Variants in DOK6 observed in about 807,000 individuals in gnomAD.
The protein encoded by DOK6 is docking protein 6, also known as downstream of tyrosine kinase 6.
A neutral mutation model predicts 44.0 loss-of-function variants in DOK6; 22 were observed. The ratio of observed to expected loss-of-function variants is 0.50; its 90% CI spans 0.36 to 0.71. DOK6 has a LOEUF of 0.71. Among genes scored for constraint, DOK6 ranks in the 30% least tolerant of loss-of-function variants. The probability of loss-of-function intolerance (pLI) is 0.00; values close to 1 mark genes in which losing one functional copy is unlikely to be tolerated. For missense variants in DOK6, 340 were observed against 416.4 expected, an observed-to-expected ratio of 0.82 and a Z score of 1.60; for synonymous variants, 166 against 145.5, an observed-to-expected ratio of 1.14 and a Z score of -1.01.
At chr18:69,549,990 A>G (rs1317697674) in intron 1 of DOK6, among the ~76,000 whole-genome samples, 1 of 150,902 alleles carries the variant, frequency 6.6e-6, no homozygotes, top group South Asian at 2.1e-4. Context: ...TATACTTCCT[A>G]CATGCCAAGA....
chr18:69,446,414 C>A (rs1263840157), intron 1 of DOK6, among the ~76,000 whole-genome samples: 1 of 151,936 alleles, frequency 6.6e-6, no homozygotes, highest in East Asian at 1.9e-4. Flanking sequence ...GCATAGTATT[C>A]CATGGTGTAT....
chr18:69,537,941 T>C (rs1332327643), intron 1 of DOK6, among the ~76,000 whole-genome samples: 1 of 152,198 alleles, frequency 6.6e-6, no homozygotes, highest in Non-Finnish European at 1.5e-5. Context: ...AGTATTGCTG[T>C]TCTTTTCTAG....
At chr18:69,489,620 A>G (rs1251253601) in intron 1 of DOK6, among the ~76,000 whole-genome samples, 2 of 152,116 alleles carry the variant, frequency 1.3e-5, no homozygotes, top group Admixed American at 6.6e-5. Context: ...TGGCATTACT[A>G]TTTTACTTCA....
chr18:69,613,808 A>G (rs1984219470), intron 3 of DOK6, among the ~76,000 whole-genome samples: 1 of 151,780 alleles, frequency 6.6e-6, no homozygotes. Flanking sequence ...TCCATAATAT[A>G]ATGAGGATAT....
At chr18:69,779,412 G>C (rs1339580385) in intron 7 of DOK6, among the ~76,000 whole-genome samples, 1 of 151,094 alleles carries the variant, frequency 6.6e-6, no homozygotes, top group Admixed American at 6.6e-5. Flanking sequence ...AGTACCTACT[G>C]AGCATAGTGC....
At chr18:69,417,945 C>G (rs1227997397) in intron 1 of DOK6, among the ~76,000 whole-genome samples, 1 of 151,912 alleles carries the variant, frequency 6.6e-6, no homozygotes, top group Non-Finnish European at 1.5e-5. Flanking sequence ...ATTTATGTAT[C>G]CCGTTTATTA....
In DOK6 at chr18:69,541,736, A is replaced by G. The variant is rs566482066; in HGVS notation, c.67-22751A>G. Among the ~76,000 whole-genome samples, 297 of 151,660 alleles carry G rather than the reference A, an allele frequency of 2.0e-3. 10 individuals carry two copies. The highest frequency in any genetic ancestry group is 3.3e-3 in the Non-Finnish European group (226 of 67,722). On this transcript the variant is annotated intron_variant, in intron 1 of 7. Transcript: ENST00000382713. ...ATTTACAAAAACAGAAGAGTATGAT[A>G]ATGGTCATGTTTGTGGCAAATAGAG...
chr18:69,456,906 G>C (rs1368971326), intron 1 of DOK6, among the ~76,000 whole-genome samples: 6 of 152,154 alleles, frequency 3.9e-5, no homozygotes, highest in Non-Finnish European at 7.4e-5. Context: ...GATTAATGAT[G>C]ATGAGCATTT....
intron 2 of DOK6, among the ~76,000 whole-genome samples, chr18:69,594,317 T>C (rs544784468): frequency 2.0e-5 from 3 of 152,008 alleles, no homozygotes; most frequent in South Asian, 4.1e-4. Context: ...TACATACAGA[T>C]ACATGCATAT....
At chr18:69,786,335 A>G (rs1244312092) in intron 7 of DOK6, among the ~76,000 whole-genome samples, 2 of 152,224 alleles carry the variant, frequency 1.3e-5, no homozygotes, top group East Asian at 3.8e-4. Context: ...AGCATATTTC[A>G]TATGTTAGAC....
chr18:69,652,724 C>T (rs1408990743), intron 3 of DOK6, among the ~76,000 whole-genome samples: 1 of 152,132 alleles, frequency 6.6e-6, no homozygotes, highest in African/African-American at 2.4e-5. Context: ...AGCACCGTGG[C>T]CTTGGCTCAT....
chr18:69,484,265 A>C (rs909368322), intron 1 of DOK6, among the ~76,000 whole-genome samples: 2 of 150,702 alleles, frequency 1.3e-5, no homozygotes, highest in Non-Finnish European at 3.0e-5. Flanking sequence ...TGTCTTTAAA[A>C]GACTCAATGC....
intron 7 of DOK6, among the ~76,000 whole-genome samples, chr18:69,828,343 C>G (rs1306237250): frequency 6.6e-6 from 1 of 151,740 alleles, no homozygotes; most frequent in Non-Finnish European, 1.5e-5. Flanking sequence ...TACTGGCTGT[C>G]ACAGATTGCT....
intron 6 of DOK6, among the ~76,000 whole-genome samples, chr18:69,740,430 C>T (rs1251573672): frequency 6.6e-6 from 1 of 152,146 alleles, no homozygotes; most frequent in Non-Finnish European, 1.5e-5. Context: ...CCAAGATTTA[C>T]CATGGGGCTA....
intron 7 of DOK6, among the ~76,000 whole-genome samples, chr18:69,824,485 C>A (rs1239580100): frequency 6.6e-6 from 1 of 151,420 alleles, no homozygotes; most frequent in Non-Finnish European, 1.5e-5. Flanking sequence ...GCCTGAGCTT[C>A]CCAAGTAGCT....
intron 3 of DOK6, among the ~76,000 whole-genome samples, chr18:69,601,769 G>A (rs1983878485): frequency 1.3e-5 from 2 of 152,132 alleles, no homozygotes; most frequent in African/African-American, 4.8e-5. Context: ...ACAGGAACCA[G>A]GGCTTCTTGG....
chr18:69,510,687 CATCTT>C (rs1296128583), intron 1 of DOK6, among the ~76,000 whole-genome samples: 4 of 152,100 alleles, frequency 2.6e-5, no homozygotes, highest in Admixed American at 6.5e-5. Context: ...ATGTATAAAA[CATCTT>C]ATGATTCTGA....
chr18:69,720,535 C>A (rs766974118), intron 5 of DOK6, among the ~76,000 whole-genome samples: 7 of 152,108 alleles, frequency 4.6e-5, no homozygotes, highest in Non-Finnish European at 8.8e-5. Flanking sequence ...CGACCAATTT[C>A]CTAAAGGGCT....
At chr18:69,508,930 T>A (rs1416580635) in intron 1 of DOK6, among the ~76,000 whole-genome samples, 1 of 152,226 alleles carries the variant, frequency 6.6e-6, no homozygotes, top group Admixed American at 6.5e-5. Flanking sequence ...CTGTGATTAG[T>A]CATGGCATCT....
Sources: gnomAD v4.1 joint callset for allele counts (sites outside exome capture counted in the v4.1 genomes callset) on GRCh38, gnomAD v4.1.1 for gene constraint, MANE v1.5 for transcripts, NCBI Gene and HGNC (gene_info 2026-07-23, HGNC 2026-07-21) for gene names.